The following DENND5A variants were observed in gnomAD, a reference collection of about 807,000 sequenced individuals.
DENND5A encodes the protein DENN domain containing 5A.
A neutral mutation model predicts 140.3 loss-of-function variants in DENND5A; 64 were observed. The ratio of observed to expected loss-of-function variants is 0.46; its 90% CI spans 0.37 to 0.56. The LOEUF is 0.56. DENND5A is among the 20% of genes least tolerant of loss of function. DENND5A has a pLI of 0.00. For missense variants in DENND5A, 1,292 were observed against 1,593.8 expected, an observed-to-expected ratio of 0.81 and a Z score of 3.22; for synonymous variants, 605 against 607.7, an observed-to-expected ratio of 1.00 and a Z score of 0.07.
intron 1 of DENND5A, among the ~76,000 whole-genome samples, chr11:9,224,534 T>A (rs541945698): frequency 3.9e-5 from 6 of 152,250 alleles, no homozygotes; most frequent in Admixed American, 3.9e-4. Context: ...TTCACCTGAT[T>A]AGCCAATCTA....
chr11:9,221,966 C>T (rs1850331864), intron 1 of DENND5A, among the ~76,000 whole-genome samples: 1 of 151,022 alleles, frequency 6.6e-6, no homozygotes, highest in Non-Finnish European at 1.5e-5. Flanking sequence ...ACAGTGTTGG[C>T]CAGGATGGTC....
rs189270299 is a variant in DENND5A, at chr11:9,217,295, C to T, written c.110-9663G>A. Among the ~76,000 whole-genome samples, 541 of 152,174 alleles carry T rather than the reference C, an allele frequency of 3.6e-3. 1 individual carries two copies. The highest frequency in any genetic ancestry group is 0.013 in the African/African-American group (523 of 41,528). On this transcript the variant is annotated intron_variant, in intron 1 of 22. Coordinates refer to ENST00000328194, the MANE Select transcript of DENND5A (RefSeq NM_015213.4). ...TTTGAGAGGCTGAGGCGGGTGATCACCTGAGGTCAGGAGTTTGAGACCAGC... is the reference window on the plus strand; with the variant it reads ...TTTGAGAGGCTGAGGCGGGTGATCATCTGAGGTCAGGAGTTTGAGACCAGC...
At chr11:9,208,973 C>G (rs562015238) in intron 1 of DENND5A, among the ~76,000 whole-genome samples, 55 of 152,330 alleles carry the variant, frequency 3.6e-4, no homozygotes, top group African/African-American at 1.1e-3. Context: ...AATTAAGCAG[C>G]AAGCCGCTGA....
rs1847167831 is a variant in DENND5A at position 9,139,614 on chromosome 11, A to G, written c.*57T>C. Reference sequence around the variant, plus strand: ...ATCGCTTAAGTCCCTTTGGGAAAAAAGGTCAGAGCTGCAGGGTGAGTCTTT... The same window carrying G: ...ATCGCTTAAGTCCCTTTGGGAAAAAGGGTCAGAGCTGCAGGGTGAGTCTTT... On this transcript the variant is annotated 3_prime_UTR_variant, in exon 23 of 23. Transcript: ENST00000328194. The G allele has an allele frequency of 1.3e-6, 2 of 1,532,986 alleles. No individual in the cohort carries two copies. The highest frequency in any genetic ancestry group is 2.4e-5 in the South Asian group (2 of 83,216). 95.0% of individuals were successfully genotyped at this position (1,532,986 alleles called of 1,614,324 possible). A position where few individuals can be genotyped will look rare whatever the true frequency, so the allele number is the denominator to read the frequency against.
chr11:9,217,725 C>T (rs1850150466), intron 1 of DENND5A, among the ~76,000 whole-genome samples: 1 of 152,096 alleles, frequency 6.6e-6, no homozygotes, highest in Non-Finnish European at 1.5e-5. Context: ...ATACTGTAAG[C>T]AGGTAAACTA....
chr11:9,261,777 CAAA>C (rs10651988), intron 1 of DENND5A, among the ~76,000 whole-genome samples: 2 of 89,800 alleles, frequency 2.2e-5, no homozygotes, highest in South Asian at 4.7e-4. Context: ...GACTGTGTCT[CAAA>C]AAAAAAAAAA....
In DENND5A at chr11:9,262,965, T is replaced by C. The variant is rs544793718; in HGVS notation, c.109+1996A>G. On this transcript the variant is annotated intron_variant, in intron 1 of 22. Coordinates refer to ENST00000328194, the MANE Select transcript of DENND5A (RefSeq NM_015213.4). ...ACCCTGTAAGCCCGGATGGTCTCGA[T>C]CTCCTGACTTCGTGATCCGCCCGCC... Among the ~76,000 whole-genome samples the C allele has an allele frequency of 2.5e-3, 381 of 151,920 alleles. 1 individual carries two copies. The highest frequency in any genetic ancestry group is 8.6e-3 in the African/African-American group (357 of 41,440).
At chr11:9,164,392 C>T (rs1201716257) in intron 11 of DENND5A, among the ~76,000 whole-genome samples, 1 of 151,602 alleles carries the variant, frequency 6.6e-6, no homozygotes, top group African/African-American at 2.4e-5. Context: ...CTGCAAGAGA[C>T]AGCATATTTT....
intron 1 of DENND5A, among the ~76,000 whole-genome samples, chr11:9,232,537 A>G (rs1394031639): frequency 6.6e-6 from 1 of 152,222 alleles, no homozygotes; most frequent in Non-Finnish European, 1.5e-5. Flanking sequence ...ACTATTATAT[A>G]ACCACCAGAA....
At chr11:9,229,998 G>C (rs1010464379) in intron 1 of DENND5A, among the ~76,000 whole-genome samples, 3 of 140,416 alleles carry the variant, frequency 2.1e-5, no homozygotes, top group African/African-American at 8.0e-5. Context: ...TCCACCTCCC[G>C]GGTTCACGCC....
intron 1 of DENND5A, among the ~76,000 whole-genome samples, chr11:9,219,469 A>C (rs1466923699): frequency 6.6e-6 from 1 of 152,208 alleles, no homozygotes; most frequent in African/African-American, 2.4e-5. Context: ...ATAAGAGAGT[A>C]AAAGAAAGAA....
chr11:9,264,108 T>A (rs1359194435), intron 1 of DENND5A, among the ~76,000 whole-genome samples: 2 of 152,110 alleles, frequency 1.3e-5, no homozygotes, highest in South Asian at 4.1e-4. Context: ...TCAAAACTGT[T>A]ACAATTCAAA....
intron 8 of DENND5A, 141 bp from the exon 9 acceptor site, chr11:9,170,918 C>G: frequency 1.4e-6 from 2 of 1,400,944 alleles, no homozygotes; most frequent in Non-Finnish European, 1.9e-6. Context: ...ATTTTCCTGC[C>G]TAATAGGAAA....
intron 21 of DENND5A, 46 bp downstream of exon 21, chr11:9,142,676 A>AT: frequency 6.2e-7 from 1 of 1,611,690 alleles, no homozygotes; most frequent in African/African-American, 1.3e-5. Context: ...GAGTCCCCTT[A>AT]TATCTCTACA....
rs552118450 is a variant in DENND5A, at chr11:9,192,728, T to A, written c.1137+766A>T. On this transcript the variant is annotated intron_variant, in intron 5 of 22. Coordinates refer to ENST00000328194, the MANE Select transcript of DENND5A (RefSeq NM_015213.4). ...CATGGTGACACCAGTGTATGTATAC[T>A]CCAAAGTCTTCTTCCCAGGCCTTTC... 1.3e-3 allele frequency among the ~76,000 whole-genome samples: 197 copies of A among 152,162 alleles called. 1 individual carries two copies. Among genetic ancestry groups the A allele is most frequent in the Non-Finnish European group, 2.3e-3 (158 of 67,996 alleles).
chr11:9,180,716 CA>C (rs1440435214), intron 6 of DENND5A, 50 bp downstream of exon 6: 1 of 1,549,762 alleles, frequency 6.5e-7, no homozygotes, highest in Non-Finnish European at 8.8e-7. Context: ...TTCACCAGGA[CA>C]GCACCCTAGC....
intron 15 of DENND5A, 34 bp from the exon 16 acceptor site, chr11:9,147,185 C>A: frequency 6.2e-7 from 1 of 1,605,756 alleles, no homozygotes. Context: ...CAGTCTCCGA[C>A]CAAAAGGAAG....
At chr11:9,140,087 C>T (rs953858227) in intron 22 of DENND5A, 2 of 1,295,688 alleles carry the variant, frequency 1.5e-6, no homozygotes, top group South Asian at 1.3e-5. Context: ...CCTCCTCCTC[C>T]CCTGCCTCCC....
chr11:9,145,012 G>A lies in DENND5A; in HGVS notation c.3105C>T (p.Ile1035=), dbSNP rs1425834676. The A allele has an allele frequency of 2.5e-6, 4 of 1,612,774 alleles. No homozygotes were observed. Among genetic ancestry groups the A allele is most frequent in the Non-Finnish European group, 3.4e-6 (4 of 1,178,908 alleles). The change falls in exon 18 of 23, where the codon ATC becomes ATT. Residue 1035 remains isoleucine (I), a synonymous_variant. Transcript: ENST00000328194. ...ATACTTACTTGTAGGTATGTCCTGT[G>A]ATCTCATTCCTGACCATCACATACT... ...LVEYVMVRNE[I]TGHTYKFPCG...
Sources: gnomAD v4.1 joint callset for allele counts (sites outside exome capture counted in the v4.1 genomes callset) on GRCh38, gnomAD v4.1.1 for gene constraint, MANE v1.5 for transcripts, NCBI Gene and HGNC (gene_info 2026-07-23, HGNC 2026-07-21) for gene names.